C1QTNF1: variants seen among roughly 807,000 people sequenced by gnomAD.
C1QTNF1 encodes the protein complement C1q tumor necrosis factor-related protein 1.
C1QTNF1 carries 22 observed loss-of-function variants against 27.8 expected under a neutral mutation model. That is an observed-to-expected ratio of 0.79 (90% CI 0.56 to 1.13). The LOEUF is 1.13. Ranked by LOEUF, C1QTNF1 falls within the 50% of genes most tolerant of loss-of-function variation. The pLI is 0.00. For missense variants in C1QTNF1, 373 were observed against 380.2 expected (o/e 0.98, Z 0.16); for synonymous variants, 166 against 154.3 (o/e 1.08, Z -0.56).
At chr17:79,030,196 G>A (rs1342150789) in intron 1 of C1QTNF1, among the ~76,000 whole-genome samples, 2 of 152,254 alleles carry the variant, frequency 1.3e-5, no homozygotes, top group East Asian at 3.9e-4. Context: ...GAAAAAGGAC[G>A]TGACTGTTAC....
intron 1 of C1QTNF1, among the ~76,000 whole-genome samples, chr17:79,028,015 C>G (rs1028073165): frequency 1.3e-5 from 2 of 152,214 alleles, no homozygotes; most frequent in African/African-American, 4.8e-5. Context: ...CTCCCCGGGC[C>G]CCCATCCTGT....
chr17:79,026,006 G>C, intron 1 of C1QTNF1: 1 of 255,404 alleles, frequency 3.9e-6, no homozygotes, highest in South Asian at 4.7e-5. Flanking sequence ...TATTATAATA[G>C]TTAATTCTCA....
intron 2 of C1QTNF1, among the ~76,000 whole-genome samples, chr17:79,044,734 C>T (rs967515489): frequency 1.3e-5 from 2 of 152,338 alleles, no homozygotes; most frequent in East Asian, 3.9e-4. Flanking sequence ...AGTGCTTCAT[C>T]CAACTGCCAT....
chr17:79,039,345 C>G (rs1403770206), intron 1 of C1QTNF1, among the ~76,000 whole-genome samples: 1 of 152,166 alleles, frequency 6.6e-6, no homozygotes, highest in Admixed American at 6.5e-5. Flanking sequence ...TTATCTAGGC[C>G]CAAACCTCAA....
At chr17:79,028,848 G>A (rs1044432508) in intron 1 of C1QTNF1, among the ~76,000 whole-genome samples, 14 of 152,062 alleles carry the variant, frequency 9.2e-5, no homozygotes, top group Admixed American at 6.5e-4. Flanking sequence ...ATGCACATCC[G>A]ATGGGCCACA....
rs2072580793 is a variant in C1QTNF1, at chr17:79,046,628, T to C, written c.229T>C (p.Cys77Arg). Residue 77 changes from cysteine (C) to arginine (R), a missense_variant, in exon 3 of 4, where the codon TGT becomes CGT. By Grantham distance (180) the Cys-to-Arg change is radical. Coordinates refer to ENST00000579760, the MANE Select transcript of C1QTNF1 (RefSeq NM_030968.5). The surrounding 1 kb of genome is among the most constrained non-coding windows in gnomAD (Gnocchi z 4.8). ...GLPASRCLRCCDPGTSMYPAT... is the reference protein window; with the variant it reads ...GLPASRCLRCRDPGTSMYPAT... The stretch of plus-strand genomic sequence containing the variant: ...CCCTGCTTCCCGGTGCTTGCGCTGC[T>C]GTGACCCCGGTACCTCCATGTACCC... 1 of 1,614,120 alleles carries C rather than the reference T, an allele frequency of 6.2e-7. No homozygotes were observed.
At chr17:79,043,719 ATGTG>A (rs1373448030) in intron 1 of C1QTNF1, 12 of 626,324 alleles carry the variant, frequency 1.9e-5, no homozygotes, top group Non-Finnish European at 3.3e-5. Flanking sequence ...ATGTATGTGA[ATGTG>A]TGTGCATGTG....
At chr17:79,038,491 G>T (rs930100194) in intron 1 of C1QTNF1, among the ~76,000 whole-genome samples, 3 of 152,216 alleles carry the variant, frequency 2.0e-5, no homozygotes, top group African/African-American at 7.2e-5. Flanking sequence ...GGGACATGGA[G>T]GGAAGGAAAA....
In C1QTNF1 at chr17:79,045,430, A is replaced by C. The variant is rs73408664; in HGVS notation, c.156-1125A>C. 8.4e-3 allele frequency among the ~76,000 whole-genome samples: 1,287 copies of C among 152,324 alleles called. 17 individuals carry two copies. Among genetic ancestry groups the C allele is most frequent in the African/African-American group, 0.029 (1,224 of 41,564 alleles). On this transcript the variant is annotated intron_variant, in intron 2 of 3. Coordinates refer to ENST00000579760, the MANE Select transcript of C1QTNF1 (RefSeq NM_030968.5). ...GCTTGAATTGGACGGTGTTCTCGGA[A>C]GAATGCCAGAGGGAGGCAGCAGAGA...
At chr17:79,031,441 T>C (rs1046432069) in intron 1 of C1QTNF1, among the ~76,000 whole-genome samples, 2 of 152,112 alleles carry the variant, frequency 1.3e-5, no homozygotes, top group Non-Finnish European at 2.9e-5. Context: ...ATGGATGCAC[T>C]GTAAATTTTT....
At chr17:79,030,485 T>TTCTCTTTCTTTC (rs1471598732) in intron 1 of C1QTNF1, among the ~76,000 whole-genome samples, 3 of 121,870 alleles carry the variant, frequency 2.5e-5, no homozygotes, top group South Asian at 2.7e-4. Flanking sequence ...CTTTCTTTCT[T>TTCTCTTTCTTTC]TTTCTTTCTT....
chr17:79,039,287 A>C (rs1419132701), intron 1 of C1QTNF1, among the ~76,000 whole-genome samples: 1 of 152,222 alleles, frequency 6.6e-6, no homozygotes, highest in Non-Finnish European at 1.5e-5. Context: ...GTCCAGGGTT[A>C]CTGCTAAGCA....
At chr17:79,047,481 G>T in intron 3 of C1QTNF1, 57 bp from the exon 4 acceptor site, 1 of 1,484,616 alleles carries the variant, frequency 6.7e-7, no homozygotes, top group Non-Finnish European at 9.0e-7. Flanking sequence ...AGCAGCCAAG[G>T]CTCAGGACAC....
intron 1 of C1QTNF1, chr17:79,025,857 CCAA>C (rs2071938411): frequency 3.4e-5 from 14 of 417,370 alleles, no homozygotes; most frequent in Middle Eastern, 7.9e-4. Context: ...TAGAGTCCAC[CCAA>C]CAACAACAGT....
intron 1 of C1QTNF1, among the ~76,000 whole-genome samples, chr17:79,039,699 G>T (rs1477252734): frequency 6.6e-6 from 1 of 151,640 alleles, no homozygotes; most frequent in African/African-American, 2.4e-5. Flanking sequence ...AATGGTGCCA[G>T]GGTTGAGAAA....
rs367663124 is a variant in C1QTNF1 at position 79,046,688 on chromosome 17, T to C, written c.289T>C (p.Leu97=). 6.2e-7 allele frequency: 1 copy of C among 1,614,028 alleles called. No homozygotes were observed. The highest frequency in any genetic ancestry group is 1.3e-5 in the African/African-American group (1 of 74,924). ...CGTGCCCCAGATCAACATCACTATCTTGAAAGGTCAGATGGCTGCAAAGAC... is the reference window on the plus strand; with the variant it reads ...CGTGCCCCAGATCAACATCACTATCCTGAAAGGTCAGATGGCTGCAAAGAC... ...TAVPQINITI[L]KGEKGDRGDR... Residue 97 remains leucine (L), a synonymous_variant, in exon 3 of 4, where the codon TTG becomes CTG. Transcript: ENST00000579760. The surrounding 1 kb of genome is among the most constrained non-coding windows in gnomAD (Gnocchi z 4.8).
At position 79,046,483 on chromosome 17, in the gene C1QTNF1, T is replaced by G. The variant is rs2072575783; in HGVS notation, c.156-72T>G. 1 of 1,595,488 alleles carries G rather than the reference T, an allele frequency of 6.3e-7. No homozygotes were observed. Among genetic ancestry groups the G allele is most frequent in the Non-Finnish European group, 8.6e-7 (1 of 1,167,724 alleles). On this transcript the variant is annotated intron_variant, in intron 2 of 3. Transcript: ENST00000579760. This position sits in a 1 kb window ranked among gnomAD's most constrained non-coding sequence, Gnocchi z 4.8. ...GGCAGGTCAGGCATGCCAGAACCAC[T>G]GGCAGCAGGAGAGAGCAGCGTTTCC...
Position 79,047,895 on chromosome 17 carries a change from T to C in C1QTNF1, c.653T>C (p.Val218Ala), listed in dbSNP as rs1231972692. Residue 218 changes from valine (V) to alanine (A), a missense_variant, in exon 4 of 4, where the codon GTG (valine) becomes GCG (alanine). Physicochemically the swap from Val to Ala is moderately conservative, Grantham distance 64. Transcript: ENST00000579760. ...CACATCATGAAGAACGAGGAGGAGG[T>C]GGTGATCTTGTTCGCGCAGGTGGGC... is the stretch of plus-strand genomic sequence containing the variant. ...YLHIMKNEEE[V>A]VILFAQVGDR... 1.2e-6 allele frequency: 2 copies of C among 1,613,208 alleles called. No individual in the cohort carries two copies. The highest frequency in any genetic ancestry group is 1.3e-5 in the African/African-American group (1 of 74,634).
rs761403095 is a variant in C1QTNF1, at chr17:79,047,554, C to T, written c.312C>T (p.Arg104=). ...CCCTTTTAGGGGAGAAGGGTGACCG[C>T]GGAGATCGAGGCCTCCAAGGGAAAT... ...ITILKGEKGD[R]GDRGLQGKYG... is the part of the protein sequence containing the mutation. The change falls in exon 4 of 4, where the codon CGC becomes CGT. Residue 104 remains arginine, a synonymous_variant. Coordinates refer to ENST00000579760, the MANE Select transcript of C1QTNF1 (RefSeq NM_030968.5). 4 of 1,527,464 alleles carry T rather than the reference C, an allele frequency of 2.6e-6. No individual in the cohort carries two copies. Among genetic ancestry groups the T allele is most frequent in the South Asian group, 1.3e-5 (1 of 76,426 alleles). 94.6% of individuals were successfully genotyped at this position (1,527,464 alleles called of 1,614,324 possible).
Sources: allele counts gnomAD v4.1 joint callset (sites outside exome capture counted in the v4.1 genomes callset), GRCh38; gene constraint gnomAD v4.1.1; non-coding constraint Gnocchi (gnomAD v3.1); transcripts MANE v1.5; gene names NCBI Gene and HGNC (gene_info 2026-07-23, HGNC 2026-07-21).